CLHC1: variants seen among roughly 807,000 people sequenced by gnomAD.
CLHC1 encodes the protein clathrin heavy chain linker domain-containing protein 1.
A neutral mutation model predicts 69.5 loss-of-function variants in CLHC1; 72 were observed. That is an observed-to-expected ratio of 1.04 (90% CI 0.86 to 1.26). CLHC1 has a LOEUF of 1.26. CLHC1 is among the 50% of genes most tolerant of loss of function. The probability of loss-of-function intolerance (pLI) is 0.00; values close to 1 mark genes in which losing one functional copy is unlikely to be tolerated. For missense variants in CLHC1, 790 were observed against 679.3 expected, an observed-to-expected ratio of 1.16 and a Z score of -1.81; for synonymous variants, 223 against 224.3, an observed-to-expected ratio of 0.99 and a Z score of 0.05.
chr2:55,183,657 A>G (rs1469362885), intron 9 of CLHC1, among the ~76,000 whole-genome samples: 1 of 152,232 alleles, frequency 6.6e-6, no homozygotes, highest in African/African-American at 2.4e-5. Context: ...TGTAAAGAAA[A>G]TTAATTCTGA....
chr2:55,206,197 T>C, intron 9 of CLHC1, 73 bp downstream of exon 9: 1 of 868,590 alleles, frequency 1.2e-6, no homozygotes, highest in Non-Finnish European at 1.8e-6. Flanking sequence ...CCCAGTTTAA[T>C]GCTTTTTCTA....
intron 1 of CLHC1, among the ~76,000 whole-genome samples, chr2:55,230,126 G>A (rs1675137358): frequency 6.6e-6 from 1 of 152,188 alleles, no homozygotes; most frequent in Non-Finnish European, 1.5e-5. Flanking sequence ...ACAGATTATA[G>A]GACGCAAGGG....
In CLHC1 at chr2:55,177,869, A is replaced by G; in HGVS notation, c.1385-88T>C. On this transcript the variant is annotated intron_variant, in intron 11 of 12. Coordinates refer to ENST00000401408, the MANE Select transcript of CLHC1 (RefSeq NM_152385.4). The stretch of plus-strand genomic sequence containing the variant: ...GGACTAGCTAATGTCTATACCTGCC[A>G]ATCAACAGTTTTTCTAATCCTTTCA... 3.2e-6 allele frequency: 3 copies of G among 924,514 alleles called. No individual in the cohort carries two copies. In the South Asian group the frequency reaches 5.6e-5, roughly 17 times the overall value. 57.3% of individuals were successfully genotyped at this position (924,514 alleles called of 1,614,324 possible). A position where few individuals can be genotyped will look rare whatever the true frequency, so the allele number is the denominator to read the frequency against.
intron 4 of CLHC1, among the ~76,000 whole-genome samples, chr2:55,216,518 C>T (rs1673523141): frequency 6.6e-6 from 1 of 151,750 alleles, no homozygotes; most frequent in Non-Finnish European, 1.5e-5. Context: ...TACCTGCATC[C>T]CTTATTTATT....
intron 2 of CLHC1, among the ~76,000 whole-genome samples, chr2:55,227,778 C>A (rs776683878): frequency 2.0e-5 from 3 of 152,082 alleles, no homozygotes; most frequent in East Asian, 3.9e-4. Flanking sequence ...GGCTTCCTAC[C>A]GTATTACCCT....
At chr2:55,183,150 T>A (rs1305621981) in intron 9 of CLHC1, among the ~76,000 whole-genome samples, 2 of 152,120 alleles carry the variant, frequency 1.3e-5, no homozygotes, top group African/African-American at 2.4e-5. Context: ...CAAACATGTC[T>A]CCTGAGCCTC....
At chr2:55,227,445 C>A (rs997036504) in intron 2 of CLHC1, among the ~76,000 whole-genome samples, 1 of 151,698 alleles carries the variant, frequency 6.6e-6, no homozygotes, top group Admixed American at 6.6e-5. Flanking sequence ...TTTGGGAGGC[C>A]GAGGCAGGCA....
intron 4 of CLHC1, among the ~76,000 whole-genome samples, chr2:55,217,063 C>G (rs2104005273): frequency 6.6e-6 from 1 of 152,128 alleles, no homozygotes; most frequent in South Asian, 2.1e-4. Context: ...GGCGTGGTAG[C>G]TTGTGCCTGT....
rs1669180820 is a variant in CLHC1, at chr2:55,174,113, T to C, written c.*1677A>G. ...TTCCTTTTTTCCATCCTTTATCTGCTCTTTTCAACAGCCTGTATGAAGGCC... is the reference window on the plus strand; with the variant it reads ...TTCCTTTTTTCCATCCTTTATCTGCCCTTTTCAACAGCCTGTATGAAGGCC... On this transcript the variant is annotated 3_prime_UTR_variant, in exon 13 of 13. Coordinates refer to ENST00000401408, the MANE Select transcript of CLHC1 (RefSeq NM_152385.4). 6.6e-6 allele frequency among the ~76,000 whole-genome samples: 1 copy of C among 152,116 alleles called. No homozygotes were observed.
chr2:55,221,028 G>C (rs1674061837), intron 3 of CLHC1, among the ~76,000 whole-genome samples: 1 of 152,094 alleles, frequency 6.6e-6, no homozygotes, highest in Non-Finnish European at 1.5e-5. Flanking sequence ...TTATTCTACT[G>C]GTAGGTATAT....
chr2:55,218,126 C>G (rs887756782), intron 3 of CLHC1, 128 bp from the exon 4 acceptor site: 7 of 492,996 alleles, frequency 1.4e-5, no homozygotes, highest in Non-Finnish European at 2.1e-5. Flanking sequence ...AATCTAAACT[C>G]TACAGCAAGC....
intron 9 of CLHC1, among the ~76,000 whole-genome samples, chr2:55,184,176 G>T (rs891145851): frequency 6.6e-6 from 1 of 150,816 alleles, no homozygotes; most frequent in Non-Finnish European, 1.5e-5. Context: ...CACGATCACG[G>T]CTCACTGTAA....
Position 55,221,487 on chromosome 2 carries a change from A to G in CLHC1, c.177+748T>C, listed in dbSNP as rs116847088. ...CTAGATAATTCTAGATAGAACTCCAATCTACAAGGAACCTCAATTTAATGT... is the reference window on the plus strand; with the variant it reads ...CTAGATAATTCTAGATAGAACTCCAGTCTACAAGGAACCTCAATTTAATGT... On this transcript the variant is annotated intron_variant, in intron 3 of 12. Coordinates refer to ENST00000401408, the MANE Select transcript of CLHC1 (RefSeq NM_152385.4). 3.3e-5 allele frequency among the ~76,000 whole-genome samples: 5 copies of G among 152,356 alleles called. No individual in the cohort carries two copies. In the East Asian group the frequency reaches 9.6e-4, roughly 29 times the overall value.
intron 3 of CLHC1, among the ~76,000 whole-genome samples, chr2:55,218,823 T>C (rs1673831589): frequency 6.6e-6 from 1 of 152,212 alleles, no homozygotes; most frequent in Admixed American, 6.5e-5. Flanking sequence ...TTCAGAGGGA[T>C]TGAAGAATAC....
chr2:55,179,057 T>C lies in CLHC1; in HGVS notation c.1385-1276A>G, dbSNP rs564276159. ...GATCTTCCCATCTCAGCCTCCTGAG[T>C]GGCTGGGACTACAGACCCATCCCTA... On this transcript the variant is annotated intron_variant, in intron 11 of 12. Transcript: ENST00000401408. Among the ~76,000 whole-genome samples, 2 of 115,132 alleles carry C rather than the reference T, an allele frequency of 1.7e-5. 1 individual carries two copies. Among genetic ancestry groups the C allele is most frequent in the African/African-American group, 6.8e-5 (2 of 29,456 alleles). The allele number at this position is 115,132 out of a possible 152,430, so 75.5% of individuals were successfully genotyped here.
At chr2:55,181,536 G>A (rs1383683075) in intron 10 of CLHC1, 34 bp downstream of exon 10, 1 of 1,494,788 alleles carries the variant, frequency 6.7e-7, no homozygotes, top group South Asian at 1.2e-5. Flanking sequence ...TTAACGAAAT[G>A]TCAAAATTAA....
chr2:55,193,785 G>T (rs1671148144), intron 9 of CLHC1, among the ~76,000 whole-genome samples: 1 of 152,104 alleles, frequency 6.6e-6, no homozygotes, highest in East Asian at 1.9e-4. Context: ...CTACCTAAAA[G>T]AAATAAAAAT....
chr2:55,186,601 A>G (rs145230238), intron 9 of CLHC1, among the ~76,000 whole-genome samples: 3 of 152,142 alleles, frequency 2.0e-5, no homozygotes, highest in Non-Finnish European at 4.4e-5. Context: ...AACAACAACA[A>G]CAACAAAAAC....
At chr2:55,202,130 G>C (rs1309507339) in intron 9 of CLHC1, among the ~76,000 whole-genome samples, 1 of 151,788 alleles carries the variant, frequency 6.6e-6, no homozygotes, top group South Asian at 2.1e-4. Context: ...TTCACCACTG[G>C]TATTCAACAC....
Sources: gnomAD v4.1 joint callset for allele counts (sites outside exome capture counted in the v4.1 genomes callset) on GRCh38, gnomAD v4.1.1 for gene constraint, MANE v1.5 for transcripts, NCBI Gene and HGNC (gene_info 2026-07-23, HGNC 2026-07-21) for gene names.